The following GAB2 variants were observed in gnomAD, a reference collection of about 807,000 sequenced individuals.
GAB2 encodes the protein GRB2 associated binding protein 2, also known as GRB2-associated-binding protein 2.
A neutral mutation model predicts 65.5 loss-of-function variants in GAB2; 26 were observed. The ratio of observed to expected loss-of-function variants is 0.40; its 90% CI spans 0.29 to 0.55. The LOEUF (loss-of-function observed/expected upper bound fraction) is 0.55, where lower values mean the gene tolerates loss of function less well. Among genes scored for constraint, GAB2 ranks in the 20% least tolerant of loss-of-function variants. GAB2 has a pLI of 0.53. For synonymous variants in GAB2, 321 were observed against 329.6 expected (o/e 0.97, Z 0.28); for missense variants, 884 against 875.8 (o/e 1.01, Z -0.12).
rs115539930 is a variant in GAB2, at chr11:78,220,513, C to T, written c.1762-69G>A. On this transcript the variant is annotated intron_variant, in intron 8 of 9. Coordinates refer to ENST00000361507, the MANE Select transcript of GAB2 (RefSeq NM_080491.3). Reference sequence around the variant, plus strand: ...ACTAACCCACCACCCAGAAAAACACCTCTGGGAGTAAGAACACTGTTTCCC... The same window carrying T: ...ACTAACCCACCACCCAGAAAAACACTTCTGGGAGTAAGAACACTGTTTCCC... 1.2e-3 allele frequency: 1,673 copies of T among 1,376,354 alleles called. 10 individuals carry two copies. The African/African-American group carries it at 0.021, about 17-fold the overall frequency. 85.3% of individuals were successfully genotyped at this position (1,376,354 alleles called of 1,614,324 possible).
intron 1 of GAB2, among the ~76,000 whole-genome samples, chr11:78,387,825 G>A (rs1462402300): frequency 6.6e-6 from 1 of 152,108 alleles, no homozygotes; most frequent in Non-Finnish European, 1.5e-5. Context: ...CACCAACCAG[G>A]CACTAGAGGA....
At chr11:78,298,259 T>A (rs777492878) in intron 1 of GAB2, among the ~76,000 whole-genome samples, 1 of 152,148 alleles carries the variant, frequency 6.6e-6, no homozygotes, top group Non-Finnish European at 1.5e-5. Context: ...CTAACCTTGA[T>A]AATGGACAGA....
Position 78,236,433 on chromosome 11 carries a change from G to C in GAB2, c.621-9382C>G, listed in dbSNP as rs986837462. On this transcript the variant is annotated intron_variant, in intron 3 of 9. Coordinates refer to ENST00000361507, the MANE Select transcript of GAB2 (RefSeq NM_080491.3). ...CCTAAAGTGCTGGGATTACAGGCATGAACCACCACACCAGGACTCTTATTT... is the reference window on the plus strand; with the variant it reads ...CCTAAAGTGCTGGGATTACAGGCATCAACCACCACACCAGGACTCTTATTT... Among the ~76,000 whole-genome samples the C allele has an allele frequency of 2.6e-5, 4 of 152,098 alleles. No individual in the cohort carries two copies. In the South Asian group the frequency reaches 6.2e-4, roughly 24 times the overall value.
chr11:78,315,010 C>T (rs1855572540), intron 1 of GAB2, among the ~76,000 whole-genome samples: 1 of 152,150 alleles, frequency 6.6e-6, no homozygotes, highest in Non-Finnish European at 1.5e-5. Flanking sequence ...GCGAGGGAGA[C>T]AGCAGATAAA....
intron 1 of GAB2, among the ~76,000 whole-genome samples, chr11:78,357,324 A>G (rs1231576289): frequency 1.3e-5 from 2 of 152,226 alleles, no homozygotes; most frequent in Non-Finnish European, 2.9e-5. Flanking sequence ...GAAAGGAACC[A>G]TAAAAAAACT....
chr11:78,280,522 G>C (rs952927874), intron 2 of GAB2, 79 bp downstream of exon 2: 1 of 1,162,460 alleles, frequency 8.6e-7, no homozygotes, highest in Non-Finnish European at 1.2e-6. Context: ...ACCTTAGCTA[G>C]AGCCTGCTCT....
intron 9 of GAB2, 44 bp from the exon 10 acceptor site, chr11:78,219,459 A>T (rs759477624): frequency 6.3e-7 from 1 of 1,593,098 alleles, no homozygotes; most frequent in African/African-American, 1.3e-5. Context: ...GTGAGTTACC[A>T]GTTAGGTGGG....
At chr11:78,316,230 C>T (rs1172990963) in intron 1 of GAB2, among the ~76,000 whole-genome samples, 1 of 152,132 alleles carries the variant, frequency 6.6e-6, no homozygotes, top group Non-Finnish European at 1.5e-5. Context: ...TGAGCCACTA[C>T]CGGCTTCTCT....
At chr11:78,285,713 C>T (rs906533644) in intron 1 of GAB2, among the ~76,000 whole-genome samples, 2 of 152,174 alleles carry the variant, frequency 1.3e-5, no homozygotes, top group African/African-American at 4.8e-5. Flanking sequence ...TTGATCCACC[C>T]ACCTCAGCCT....
chr11:78,261,734 C>T (rs1274924792), intron 2 of GAB2, among the ~76,000 whole-genome samples: 1 of 152,098 alleles, frequency 6.6e-6, no homozygotes, highest in African/African-American at 2.4e-5. Flanking sequence ...GCAGGCCAGC[C>T]CCAAAGGGTG....
chr11:78,267,845 G>A (rs1016828136), intron 2 of GAB2, among the ~76,000 whole-genome samples: 6 of 86,080 alleles, frequency 7.0e-5, no homozygotes, highest in South Asian at 5.1e-4. Flanking sequence ...GTGATAGAGC[G>A]AGACTCCGTC....
intron 1 of GAB2, chr11:78,388,043 CGT>C (rs1280296484): frequency 6.9e-6 from 1 of 144,014 alleles, no homozygotes; most frequent in Non-Finnish European, 1.5e-5. Context: ...ATTATGACTC[CGT>C]ATTTTTTTTT....
intron 1 of GAB2, chr11:78,341,828 C>T (rs1856101559): frequency 1.0e-6 from 1 of 985,386 alleles, no homozygotes; most frequent in Non-Finnish European, 1.2e-6. Context: ...GCCTTTGTCT[C>T]AGTTACTCCT....
intron 1 of GAB2, among the ~76,000 whole-genome samples, chr11:78,383,801 G>A (rs1196259566): frequency 6.6e-6 from 1 of 152,064 alleles, no homozygotes; most frequent in Non-Finnish European, 1.5e-5. Context: ...CAGGAGTAGT[G>A]AGTCAGGGTA....
At chr11:78,234,984 C>T (rs1283055418) in intron 3 of GAB2, among the ~76,000 whole-genome samples, 2 of 151,794 alleles carry the variant, frequency 1.3e-5, no homozygotes, top group African/African-American at 4.8e-5. Flanking sequence ...CATTCCAGCC[C>T]GGGAGACAGA....
intron 1 of GAB2, among the ~76,000 whole-genome samples, chr11:78,364,576 C>T (rs1424082530): frequency 6.6e-6 from 1 of 152,200 alleles, no homozygotes; most frequent in Admixed American, 6.5e-5. Flanking sequence ...GCTCAATCCC[C>T]ATTTTGTAAA....
At chr11:78,329,910 G>T (rs577642331) in intron 1 of GAB2, among the ~76,000 whole-genome samples, 1 of 152,326 alleles carries the variant, frequency 6.6e-6, no homozygotes, top group East Asian at 1.9e-4. Flanking sequence ...AAATTTGTTT[G>T]CAGGCAGTCT....
chr11:78,239,572 T>C (rs752232043), intron 3 of GAB2, among the ~76,000 whole-genome samples: 1 of 152,060 alleles, frequency 6.6e-6, no homozygotes, highest in African/African-American at 2.4e-5. Context: ...CCAGAATGCA[T>C]GAGAGGAGTA....
chr11:78,258,609 T>C (rs1865656796), intron 2 of GAB2, among the ~76,000 whole-genome samples: 1 of 151,716 alleles, frequency 6.6e-6, no homozygotes, highest in African/African-American at 2.4e-5. Context: ...TTTTCTGTTT[T>C]TTTTTTGAGA....
Sources: gnomAD v4.1 joint callset for allele counts (sites outside exome capture counted in the v4.1 genomes callset) on GRCh38, gnomAD v4.1.1 for gene constraint, MANE v1.5 for transcripts, NCBI Gene and HGNC (gene_info 2026-07-23, HGNC 2026-07-21) for gene names.